Variants in MAN1C1 observed in about 807,000 individuals in gnomAD.
MAN1C1 encodes mannosidase alpha class 1C member 1.
In MAN1C1, 49 loss-of-function variants were observed where a neutral mutation model predicts 71.5. That is an observed-to-expected ratio of 0.69 (90% CI 0.54 to 0.87). The LOEUF (loss-of-function observed/expected upper bound fraction) is 0.87, where lower values mean the gene tolerates loss of function less well. Ranked by LOEUF, MAN1C1 falls within the 40% of genes least tolerant of loss-of-function variation. The pLI, the probability that MAN1C1 is intolerant of heterozygous loss-of-function variation, is 0.00. For synonymous variants in MAN1C1, 352 were observed against 343.7 expected, an observed-to-expected ratio of 1.02 and a Z score of -0.27; for missense variants, 743 against 835.0, an observed-to-expected ratio of 0.89 and a Z score of 1.36.
rs758111014 is a variant in MAN1C1 at position 25,779,041 on chromosome 1, C to T, written c.1477+717C>T. The stretch of plus-strand genomic sequence containing the variant: ...ACCCAGGCCTTCTGATGCCTGGTTC[C>T]ACCCCGTGCGCAAACTGCACCCCTC... On this transcript the variant is annotated intron_variant, in intron 9 of 11. Coordinates refer to ENST00000374332, the MANE Select transcript of MAN1C1 (RefSeq NM_020379.4). The surrounding 1 kb of genome is among the most constrained non-coding windows in gnomAD (Gnocchi z 4.6). Among the ~76,000 whole-genome samples, 30 of 152,146 alleles carry T rather than the reference C, an allele frequency of 2.0e-4. No homozygotes were observed. Among genetic ancestry groups the T allele is most frequent in the Admixed American group, 3.9e-4 (6 of 15,278 alleles).
intron 7 of MAN1C1, among the ~76,000 whole-genome samples, chr1:25,768,987 C>T (rs1386592439): frequency 6.7e-6 from 1 of 148,992 alleles, no homozygotes; most frequent in Non-Finnish European, 1.5e-5. Context: ...ACACTCCCCT[C>T]ACATATACAT....
rs553076036 is a variant in MAN1C1, at chr1:25,749,326, A to G, written c.825A>G (p.Thr275=). 2.5e-6 allele frequency: 4 copies of G among 1,610,870 alleles called. No individual in the cohort carries two copies. The African/African-American group carries it at 5.3e-5, about 21-fold the overall frequency. Reference sequence around the variant, plus strand: ...GACTCCTCTCAGCCTTCTACCTGACAGGAGAAGAGGTGGGTTGGCCTTTCA... The same window carrying G: ...GACTCCTCTCAGCCTTCTACCTGACGGGAGAAGAGGTGGGTTGGCCTTTCA... ...IGGLLSAFYL[T]GEEVFRIKAI... is the part of the protein sequence containing the mutation. Residue 275 remains threonine, a synonymous_variant, in exon 4 of 12, where the codon ACA becomes ACG. Coordinates refer to ENST00000374332, the MANE Select transcript of MAN1C1 (RefSeq NM_020379.4).
intron 4 of MAN1C1, among the ~76,000 whole-genome samples, chr1:25,750,401 G>A (rs1038452046): frequency 4.0e-5 from 6 of 151,382 alleles, no homozygotes; most frequent in Non-Finnish European, 8.8e-5. Flanking sequence ...AGAGGCTGCT[G>A]TGAGGCTGGA....
rs1483247209 is a variant in MAN1C1, at chr1:25,769,521, C to T, written c.1142-2136C>T. Among the ~76,000 whole-genome samples the T allele has an allele frequency of 1.3e-5, 2 of 152,150 alleles. No homozygotes were observed. Among genetic ancestry groups the T allele is most frequent in the African/African-American group, 4.8e-5 (2 of 41,416 alleles). On this transcript the variant is annotated intron_variant, in intron 7 of 11. Transcript: ENST00000374332. The surrounding 1 kb of genome is among the most constrained non-coding windows in gnomAD (Gnocchi z 4.8). ...ATGACCTGGCTCCCTCCCCTGCGTG[C>T]CCCTCCAGAGGAAGCCTGGACCTTG...
intron 2 of MAN1C1, among the ~76,000 whole-genome samples, chr1:25,733,671 A>G (rs1183011622): frequency 6.6e-6 from 1 of 152,168 alleles, no homozygotes; most frequent in Admixed American, 6.5e-5. Context: ...CCGAGTACCC[A>G]AAAAATACAT....
chr1:25,679,971 A>G (rs1413936760), intron 1 of MAN1C1, among the ~76,000 whole-genome samples: 6 of 139,900 alleles, frequency 4.3e-5, no homozygotes, highest in African/African-American at 1.7e-4. Context: ...ATATATATAT[A>G]TATATATACA....
At chr1:25,672,504 T>C (rs1355646622) in intron 1 of MAN1C1, among the ~76,000 whole-genome samples, 1 of 152,222 alleles carries the variant, frequency 6.6e-6, no homozygotes, top group Non-Finnish European at 1.5e-5. Flanking sequence ...CCTTGGCTCA[T>C]GGCCACCTTC....
intron 8 of MAN1C1, among the ~76,000 whole-genome samples, chr1:25,773,296 T>C (rs2047578385): frequency 6.6e-6 from 1 of 152,056 alleles, no homozygotes; most frequent in South Asian, 2.1e-4. Context: ...TGTGGGCAGT[T>C]GGATGGATGG....
In MAN1C1 at chr1:25,764,946, G is replaced by T. The variant is rs1341610768; in HGVS notation, c.1141+979G>T. 6.6e-6 allele frequency among the ~76,000 whole-genome samples: 1 copy of T among 152,042 alleles called. No homozygotes were observed. Among genetic ancestry groups the T allele is most frequent in the Non-Finnish European group, 1.5e-5 (1 of 68,002 alleles). ...GTCTCTAGTCCCAGCTACTCAGGAG[G>T]CTGAGGCAGGAGAATCGCTTGAACC... On this transcript the variant is annotated intron_variant, in intron 7 of 11. Transcript: ENST00000374332. The surrounding 1 kb of genome is among the most constrained non-coding windows in gnomAD (Gnocchi z 4.4).
chr1:25,778,101 C>T lies in MAN1C1; in HGVS notation c.1258-4C>T. ...TCCCTGCCCAATCCCCACCTTGCTC[C>T]CAGGCGATAGAGACCTACTTGCTGA... On this transcript the variant is annotated splice_region_variant and splice_polypyrimidine_tract_variant and intron_variant, in intron 8 of 11. Coordinates refer to ENST00000374332, the MANE Select transcript of MAN1C1 (RefSeq NM_020379.4). The surrounding 1 kb of genome is among the most constrained non-coding windows in gnomAD (Gnocchi z 5.5). 1 of 1,542,650 alleles carries T rather than the reference C, an allele frequency of 6.5e-7. No homozygotes were observed. Among genetic ancestry groups the T allele is most frequent in the Non-Finnish European group, 8.8e-7 (1 of 1,140,030 alleles).
chr1:25,760,576 C>T (rs2047346907), intron 6 of MAN1C1: 1 of 152,206 alleles, frequency 6.6e-6, no homozygotes, highest in Non-Finnish European at 1.5e-5. Context: ...ACCACCAGGA[C>T]AGTCGAGAGT....
At chr1:25,722,342 A>G (rs766095101) in intron 2 of MAN1C1, among the ~76,000 whole-genome samples, 4 of 152,186 alleles carry the variant, frequency 2.6e-5, no homozygotes, top group African/African-American at 4.8e-5. Context: ...GACACCTTGA[A>G]TGATTTCTTT....
intron 1 of MAN1C1, among the ~76,000 whole-genome samples, chr1:25,623,860 G>C (rs961758146): frequency 1.3e-5 from 2 of 152,212 alleles, no homozygotes; most frequent in African/African-American, 4.8e-5. Context: ...GGGAATGATG[G>C]ACGTAGGCTA....
At chr1:25,742,306 G>A (rs1339107341) in intron 2 of MAN1C1, among the ~76,000 whole-genome samples, 1 of 152,186 alleles carries the variant, frequency 6.6e-6, no homozygotes, top group East Asian at 1.9e-4. Flanking sequence ...TGGCTTTAGA[G>A]TGAATAAGAG....
chr1:25,709,964 T>C, intron 2 of MAN1C1: 1 of 152,360 alleles, frequency 6.6e-6, no homozygotes, highest in Non-Finnish European at 1.5e-5. Context: ...CAGGCTGGTC[T>C]CGAACTCCTG....
At chr1:25,623,301 C>G (rs996591872) in intron 1 of MAN1C1, among the ~76,000 whole-genome samples, 1 of 152,194 alleles carries the variant, frequency 6.6e-6, no homozygotes, top group Non-Finnish European at 1.5e-5. Flanking sequence ...GCTTTCATTT[C>G]TAGTTGTACC....
intron 2 of MAN1C1, among the ~76,000 whole-genome samples, chr1:25,729,115 C>G (rs961031741): frequency 6.6e-6 from 1 of 152,238 alleles, no homozygotes; most frequent in Non-Finnish European, 1.5e-5. Flanking sequence ...AACATAGAGA[C>G]CAAACCCCTT....
At position 25,753,655 on chromosome 1, in the gene MAN1C1, G is replaced by A; in HGVS notation, c.929+77G>A. ...ATTTGTGTTTTGTCTGGGTGGTGCT[G>A]GTGAGGAGGCTCCAGGGGCAGTAGG... On this transcript the variant is annotated intron_variant, in intron 5 of 11. Transcript: ENST00000374332. This position sits in a 1 kb window ranked among gnomAD's most constrained non-coding sequence, Gnocchi z 4.9. The A allele has an allele frequency of 7.3e-7, 1 of 1,366,684 alleles. No individual in the cohort carries two copies. 84.7% of individuals were successfully genotyped at this position (1,366,684 alleles called of 1,614,324 possible). A position where few individuals can be genotyped will look rare whatever the true frequency, so the allele number is the denominator to read the frequency against.
At chr1:25,678,598 T>C (rs1430855228) in intron 1 of MAN1C1, among the ~76,000 whole-genome samples, 1 of 152,210 alleles carries the variant, frequency 6.6e-6, no homozygotes, top group Non-Finnish European at 1.5e-5. Context: ...TTAGAAACTC[T>C]GGTCTAAGGA....
Sources: gnomAD v4.1 joint callset for allele counts (sites outside exome capture counted in the v4.1 genomes callset) on GRCh38, gnomAD v4.1.1 for gene constraint, Gnocchi (gnomAD v3.1) non-coding constraint, MANE v1.5 for transcripts, NCBI Gene and HGNC (gene_info 2026-07-23, HGNC 2026-07-21) for gene names.